DHRS12: variants seen among roughly 807,000 people sequenced by gnomAD.
The protein encoded by DHRS12 is dehydrogenase/reductase SDR family member 12.
In DHRS12, 29 loss-of-function variants were observed where a neutral mutation model predicts 32.1. The observed-to-expected ratio is 0.90, with a 90% CI of 0.67 to 1.23. The LOEUF is 1.23. Among genes scored for constraint, DHRS12 ranks in the 50% most tolerant of loss-of-function variants. The pLI is 0.00. For missense variants in DHRS12, 330 were observed against 337.2 expected (o/e 0.98, Z 0.17); for synonymous variants, 150 against 135.9 (o/e 1.10, Z -0.72).
chr13:51,756,784 A>C, the DHRS12 span, among the ~76,000 whole-genome samples: 2 of 152,212 alleles, frequency 1.3e-5, no homozygotes, highest in Non-Finnish European at 2.9e-5. Flanking sequence ...ATAAGGGCTC[A>C]GGATTCACTT....
rs1566271395 is a variant in DHRS12 at position 51,769,208 on chromosome 13, C to A, written c.645G>T (p.Trp215Cys). The A allele has an allele frequency of 6.4e-7, 1 of 1,573,108 alleles. No homozygotes were observed. The highest frequency in any genetic ancestry group is 1.8e-5 in the Admixed American group (1 of 54,292). ...CGGCTGCGGCAGAGGAGAGGGCCAG[C>A]CACAGCATGGTGTCCGCGCCCTGGG... ...SEAQGADTML[W>C]LALSSAAAAQ... Residue 215 changes from tryptophan to cysteine, a missense_variant, in exon 8 of 9, where the codon TGG becomes TGT. By Grantham distance (215) the Trp-to-Cys change is radical (BLOSUM62 -2). Transcript: ENST00000444610.
downstream of DHRS12, chr13:51,767,077 A>G (rs1953773302): frequency 6.6e-6 from 1 of 152,278 alleles, no homozygotes; most frequent in Non-Finnish European, 1.5e-5. Flanking sequence ...GTGAGGAGAA[A>G]TGACTTCGGG....
intron 1 of DHRS12, among the ~76,000 whole-genome samples, chr13:51,802,201 ACACACACACACACACAC>A (rs1328554315): frequency 0.022 from 3,152 of 144,050 alleles, 122 homozygotes; most frequent in African/African-American, 0.077. Context: ...ACACACACAC[ACACACACACACACACAC>A]GACTTTCCCA....
At chr13:51,803,943 C>T (rs1955875140) in intron 1 of DHRS12, 111 bp downstream of exon 1, 5 of 1,050,178 alleles carry the variant, frequency 4.8e-6, no homozygotes, top group Admixed American at 4.4e-5. Flanking sequence ...GCTTAGTCGG[C>T]CCAGCGAGAG....
At position 51,777,062 on chromosome 13, in the gene DHRS12, C is replaced by T; in HGVS notation, c.361G>A (p.Val121Met). 3 of 1,614,114 alleles carry T rather than the reference C, an allele frequency of 1.9e-6. No homozygotes were observed. The highest frequency in any genetic ancestry group is 2.5e-6 in the Non-Finnish European group (3 of 1,180,020). The change falls in exon 5 of 9, where the codon GTG becomes ATG. Residue 121 changes from valine to methionine, a missense_variant and splice_region_variant. Physicochemically the swap from Val to Met is conservative, Grantham distance 21. Coordinates refer to ENST00000444610, the MANE Select transcript of DHRS12 (RefSeq NM_001377533.1). ...PVLEKEHDPR[V>M]ITVSSGGMLV... ...AACATCCCATAAGGTCAACTCACCA[C>T]TCGGGGGTCGTGTTCTTTCTCCAGC...
At chr13:51,791,302 A>G in intron 2 of DHRS12, 45 bp from the exon 3 acceptor site, 1 of 1,117,364 alleles carries the variant, frequency 8.9e-7, no homozygotes, top group South Asian at 1.7e-5. Flanking sequence ...TTAAAAAGAT[A>G]TAAACTAGCA....
At chr13:51,785,584 T>C (rs182465461) in intron 4 of DHRS12, among the ~76,000 whole-genome samples, 10 of 152,314 alleles carry the variant, frequency 6.6e-5, no homozygotes, top group Admixed American at 1.3e-4. Context: ...GCCTCTGCCA[T>C]TGCCCTGAGA....
At chr13:51,797,743 G>C in intron 2 of DHRS12, 1 of 1,390,514 alleles carries the variant, frequency 7.2e-7, no homozygotes, top group Non-Finnish European at 9.8e-7. Context: ...CTTCAACCCA[G>C]GGAAAGCGGG....
intron 4 of DHRS12, among the ~76,000 whole-genome samples, chr13:51,778,210 C>A (rs189108932): frequency 2.6e-5 from 4 of 152,334 alleles, no homozygotes; most frequent in Admixed American, 2.6e-4. Flanking sequence ...GCTGGCCAGC[C>A]CACCTCACAG....
chr13:51,775,912 TTCTACAGTATTCTCCTACATGTAC>T lies in DHRS12; in HGVS notation c.363+1124_363+1147del, dbSNP rs1387630454. ...ATTCTACAGTATTCTCCTACATGTA[TTCTACAGTATTCTCCTACATGTAC>T]TCTACAGTATTCTCCTACATGTATT... On this transcript the variant is annotated intron_variant, in intron 5 of 8. Transcript: ENST00000444610. 10 of 138,130 alleles carry T rather than the reference TTCTACAGTATTCTCCTACATGTAC, an allele frequency of 7.2e-5. 1 individual carries two copies. The highest frequency in any genetic ancestry group is 2.1e-4 in the South Asian group (1 of 4,712). 8.6% of individuals were successfully genotyped at this position (138,130 alleles called of 1,614,324 possible).
At chr13:51,773,207 T>C (rs1593509987) in intron 6 of DHRS12, among the ~76,000 whole-genome samples, 1 of 152,364 alleles carries the variant, frequency 6.6e-6, no homozygotes, top group East Asian at 1.9e-4. Context: ...TTGGAATATC[T>C]GCATATACAT....
At chr13:51,756,487 G>A in the DHRS12 span, 16 of 1,604,206 alleles carry the variant, frequency 1.0e-5, no homozygotes, top group African/African-American at 8.0e-5. Flanking sequence ...CCTGCAGACC[G>A]CTTCAGGTTA....
chr13:51,801,251 A>T (rs9596579), intron 1 of DHRS12, among the ~76,000 whole-genome samples: 4 of 152,174 alleles, frequency 2.6e-5, no homozygotes, highest in African/African-American at 9.7e-5. Flanking sequence ...CAGTGGCGCG[A>T]TCTCGGCTCA....
chr13:51,802,706 C>T (rs1955816453), intron 1 of DHRS12, among the ~76,000 whole-genome samples: 1 of 152,220 alleles, frequency 6.6e-6, no homozygotes, highest in South Asian at 2.1e-4. Flanking sequence ...TAACTCCGCG[C>T]TCTCACACTG....
chr13:51,787,150 G>A (rs976550227), intron 4 of DHRS12, among the ~76,000 whole-genome samples: 24 of 152,174 alleles, frequency 1.6e-4, no homozygotes, highest in African/African-American at 5.8e-4. Flanking sequence ...GCTTCTCAGA[G>A]AGGTTGGAAT....
At chr13:51,777,263 C>A in intron 4 of DHRS12, 142 bp from the exon 5 acceptor site, 1 of 786,408 alleles carries the variant, frequency 1.3e-6, no homozygotes, top group Non-Finnish European at 2.1e-6. Context: ...GTCCCTCCTT[C>A]CGAGGATCCT....
intron 1 of DHRS12, chr13:51,803,714 C>T (rs922842787): frequency 2.3e-5 from 5 of 217,566 alleles, no homozygotes; most frequent in African/African-American, 1.1e-4. Context: ...GAAGACACTT[C>T]CACGAGCACA....
chr13:51,799,378 G>C (rs143408205), intron 2 of DHRS12, among the ~76,000 whole-genome samples, 156 bp downstream of exon 2: 3 of 152,330 alleles, frequency 2.0e-5, no homozygotes, highest in Admixed American at 6.5e-5. Flanking sequence ...GCCACCTGGA[G>C]CTCAAAACTC....
chr13:51,769,209 CA>C lies in DHRS12; in HGVS notation c.643del (p.Trp215GlyfsTer80). The C allele has an allele frequency of 6.4e-7, 1 of 1,574,516 alleles. No homozygotes were observed. Among genetic ancestry groups the C allele is most frequent in the Non-Finnish European group, 8.6e-7 (1 of 1,161,338 alleles). ...SEAQGADTML[W>X]LALSSAAAAQ... The stretch of plus-strand genomic sequence containing the variant: ...GGCTGCGGCAGAGGAGAGGGCCAGC[CA>C]CAGCATGGTGTCCGCGCCCTGGGCC... On this transcript the variant is annotated frameshift_variant, in exon 8 of 9. Coordinates refer to ENST00000444610, the MANE Select transcript of DHRS12 (RefSeq NM_001377533.1). LOFTEE classifies it high-confidence loss of function.
Sources: allele counts gnomAD v4.1 joint callset (sites outside exome capture counted in the v4.1 genomes callset), GRCh38; gene constraint gnomAD v4.1.1; transcripts MANE v1.5; gene names NCBI Gene and HGNC (gene_info 2026-07-23, HGNC 2026-07-21).